Variants in DACH2 observed in about 807,000 individuals in gnomAD.
DACH2 encodes the protein dachshund family transcription factor 2.
In DACH2, 17 loss-of-function variants were observed where a neutral mutation model predicts 35.8. The ratio of observed to expected loss-of-function variants is 0.48; its 90% CI spans 0.33 to 0.71. The LOEUF is 0.71. Ranked by LOEUF, DACH2 falls within the 30% of genes least tolerant of loss-of-function variation. DACH2 has a pLI of 0.02. For synonymous variants in DACH2, 195 were observed against 177.3 expected (o/e 1.10, Z -0.79); for missense variants, 469 against 472.7 (o/e 0.99, Z 0.07).
chrX:86,247,907 G>A (rs1453974799), intron 1 of DACH2, among the ~76,000 whole-genome samples: 1 of 111,078 alleles, frequency 9.0e-6, no homozygotes, highest in Non-Finnish European at 1.9e-5. Flanking sequence ...CAATAAAGGT[G>A]ATTCATCACA....
At chrX:86,538,854 A>T (rs1246394323) in intron 3 of DACH2, among the ~76,000 whole-genome samples, 1 of 111,576 alleles carries the variant, frequency 9.0e-6, no homozygotes, top group East Asian at 2.8e-4. Flanking sequence ...GAGTTATGAG[A>T]TAATTTTATT....
At chrX:86,811,960 G>T (rs1050930594) in intron 7 of DACH2, among the ~76,000 whole-genome samples, 10 of 111,761 alleles carry the variant, frequency 8.9e-5, no homozygotes, top group African/African-American at 2.9e-4. Flanking sequence ...AAAAATAAAA[G>T]AGAGAATAGA....
At chrX:86,725,700 G>A (rs2041460356) in intron 6 of DACH2, among the ~76,000 whole-genome samples, 1 of 111,174 alleles carries the variant, frequency 9.0e-6, no homozygotes. Flanking sequence ...GGTTCCCAGG[G>A]CCCCTGGACT....
chrX:86,316,627 G>A (rs1027122031), intron 1 of DACH2, among the ~76,000 whole-genome samples: 3 of 111,293 alleles, frequency 2.7e-5, no homozygotes, highest in African/African-American at 9.8e-5. Context: ...AGGGGGAATT[G>A]GGCGATGACT....
chrX:86,632,407 A>G (rs1292685819), intron 3 of DACH2, among the ~76,000 whole-genome samples: 1 of 110,387 alleles, frequency 9.1e-6, no homozygotes, highest in Non-Finnish European at 1.9e-5. Flanking sequence ...TATTAAAGTT[A>G]TCGTAACACT....
At chrX:86,628,850 C>T (rs2040167167) in intron 3 of DACH2, among the ~76,000 whole-genome samples, 1 of 111,652 alleles carries the variant, frequency 9.0e-6, no homozygotes, top group Admixed American at 9.6e-5. Context: ...TTTAGGAAGC[C>T]AATTACCTTT....
chrX:86,501,716 A>G (rs1392632165), intron 2 of DACH2, among the ~76,000 whole-genome samples: 1 of 111,550 alleles, frequency 9.0e-6, no homozygotes, highest in Non-Finnish European at 1.9e-5. Context: ...TAAATAGAAA[A>G]CTAAAGGAAA....
chrX:86,573,513 G>A (rs1019366616), intron 3 of DACH2, among the ~76,000 whole-genome samples: 1 of 111,607 alleles, frequency 9.0e-6, no homozygotes, highest in Admixed American at 9.5e-5. Flanking sequence ...AAGCCATAGA[G>A]ATAGTTCATT....
At chrX:86,736,007 A>G (rs773424525) in intron 6 of DACH2, among the ~76,000 whole-genome samples, 1 of 111,617 alleles carries the variant, frequency 9.0e-6, no homozygotes, top group East Asian at 2.8e-4. Flanking sequence ...TAGCCACCTA[A>G]TGAACCAAAG....
chrX:86,563,054 T>C (rs1884037829), intron 3 of DACH2, among the ~76,000 whole-genome samples: 2 of 110,870 alleles, frequency 1.8e-5, no homozygotes, highest in Non-Finnish European at 3.8e-5. Context: ...TAGACTTAGA[T>C]TGGTCTAGGT....
At chrX:86,345,322 T>G (rs773522972) in intron 1 of DACH2, 16 of 200,931 alleles carry the variant, frequency 8.0e-5, no homozygotes, top group Non-Finnish European at 1.4e-4. Context: ...GAGTTTAATA[T>G]TTCACACATT....
chrX:86,508,778 A>G (rs1260280291), intron 2 of DACH2, among the ~76,000 whole-genome samples: 4 of 111,625 alleles, frequency 3.6e-5, no homozygotes, highest in Non-Finnish European at 7.5e-5. Context: ...TTTAAAGCAC[A>G]TTTCATTTAA....
At chrX:86,515,016 A>G (rs1044231590) in intron 3 of DACH2, among the ~76,000 whole-genome samples, 14 of 111,739 alleles carry the variant, frequency 1.3e-4, no homozygotes, top group African/African-American at 4.2e-4. Context: ...AACACTTTAA[A>G]ATAAGCTTAA....
intron 1 of DACH2, among the ~76,000 whole-genome samples, chrX:86,223,299 T>C (rs1355750906): frequency 8.9e-6 from 1 of 111,945 alleles, no homozygotes; most frequent in Non-Finnish European, 1.9e-5. Context: ...TGTAATATAA[T>C]GTCTTTACTA....
chrX:86,376,412 G>C (rs1453544645), intron 1 of DACH2, among the ~76,000 whole-genome samples: 1 of 110,034 alleles, frequency 9.1e-6, no homozygotes, highest in Admixed American at 9.8e-5. Context: ...GGGAAGGAAG[G>C]CTCTTGAGAG....
chrX:86,709,943 A>T (rs2041259748), intron 5 of DACH2, among the ~76,000 whole-genome samples: 1 of 112,101 alleles, frequency 8.9e-6, no homozygotes, highest in Admixed American at 9.5e-5. Flanking sequence ...GTTTTAATGG[A>T]AATGCAAAAT....
chrX:86,441,905 C>T (rs1036987179), intron 2 of DACH2, among the ~76,000 whole-genome samples: 3 of 105,088 alleles, frequency 2.9e-5, no homozygotes, highest in African/African-American at 1.0e-4. Flanking sequence ...ATATTAGTGA[C>T]AGGGTCTTGC....
At chrX:86,790,476 CTT>C (rs1344585127) in intron 7 of DACH2, among the ~76,000 whole-genome samples, 1 of 112,242 alleles carries the variant, frequency 8.9e-6, no homozygotes, top group East Asian at 2.8e-4. Context: ...ACCATTGACT[CTT>C]GAACAATGCA....
At chrX:86,601,650 A>C in intron 3 of DACH2, among the ~76,000 whole-genome samples, 1 of 112,328 alleles carries the variant, frequency 8.9e-6, no homozygotes, top group Middle Eastern at 4.6e-3. Flanking sequence ...CTAATGAGGT[A>C]GTAGTTATCT....
Sources: gnomAD v4.1 joint callset for allele counts (sites outside exome capture counted in the v4.1 genomes callset) on GRCh38, gnomAD v4.1.1 for gene constraint, MANE v1.5 for transcripts, NCBI Gene and HGNC (gene_info 2026-07-23, HGNC 2026-07-21) for gene names.